The following SEM1 variants were observed in gnomAD, a reference collection of about 807,000 sequenced individuals.
SEM1 encodes SEM1 26S proteasome subunit.
A neutral mutation model predicts 12.7 loss-of-function variants in SEM1; 3 were observed. The observed-to-expected ratio is 0.24, with a 90% CI of 0.11 to 0.61. The LOEUF (loss-of-function observed/expected upper bound fraction) is 0.61, where lower values mean the gene tolerates loss of function less well. Ranked by LOEUF, SEM1 falls within the 20% of genes least tolerant of loss-of-function variation. The probability of loss-of-function intolerance (pLI) is 0.88; values close to 1 mark genes in which losing one functional copy is unlikely to be tolerated. For synonymous variants in SEM1, 30 were observed against 27.8 expected (o/e 1.08, Z -0.25); for missense variants, 59 against 81.3 (o/e 0.73, Z 1.06).
chr7:96,547,738 T>C (rs955733723), intron 2 of SEM1, among the ~76,000 whole-genome samples: 5 of 152,090 alleles, frequency 3.3e-5, no homozygotes, highest in African/African-American at 1.2e-4. Context: ...TCTGCTGATG[T>C]GATGATAGGA....
chr7:96,676,791 T>C (rs2115643471), intron 2 of SEM1, among the ~76,000 whole-genome samples: 1 of 152,330 alleles, frequency 6.6e-6, no homozygotes, highest in East Asian at 1.9e-4. Context: ...ATGCCTAGCA[T>C]GTGAACAGCA....
intron 2 of SEM1, among the ~76,000 whole-genome samples, chr7:96,613,116 C>G (rs1447108417): frequency 6.6e-6 from 1 of 152,088 alleles, no homozygotes; most frequent in Non-Finnish European, 1.5e-5. Context: ...TGTCTAGACT[C>G]TAGAGGAGAC....
Position 96,485,195 on chromosome 7 carries a change from G to T in SEM1, c.228-341C>A, listed in dbSNP as rs143118911. On this transcript the variant is annotated intron_variant, in intron 2 of 3. Coordinates refer to the SEM1 transcript ENST00000356686. ...TAGGCAAAATTTTTTAAGTCAGAAT[G>T]ACCAGTGTTAACCCATTACCAACTA... Among the ~76,000 whole-genome samples the T allele has an allele frequency of 2.6e-5, 4 of 152,286 alleles. No homozygotes were observed. The East Asian group carries it at 7.7e-4, about 29-fold the overall frequency.
chr7:96,700,339 A>G (rs1326765927), intron 1 of SEM1, among the ~76,000 whole-genome samples: 3 of 152,202 alleles, frequency 2.0e-5, no homozygotes, highest in Non-Finnish European at 4.4e-5. Flanking sequence ...CAAAGGATTA[A>G]GGATATTTGG....
chr7:96,611,963 C>T (rs1470559119), intron 2 of SEM1, among the ~76,000 whole-genome samples: 7 of 151,144 alleles, frequency 4.6e-5, no homozygotes, highest in African/African-American at 1.7e-4. Flanking sequence ...TAGGAAAGAG[C>T]CTCATTTTTT....
intron 2 of SEM1, among the ~76,000 whole-genome samples, chr7:96,544,717 C>T (rs562193790): frequency 6.6e-6 from 1 of 152,034 alleles, no homozygotes; most frequent in South Asian, 2.1e-4. Context: ...TTGATTAACA[C>T]ATATTTTATA....
At chr7:96,585,611 T>A (rs1379243575) in intron 2 of SEM1, among the ~76,000 whole-genome samples, 3 of 152,378 alleles carry the variant, frequency 2.0e-5, no homozygotes, top group African/African-American at 7.2e-5. Flanking sequence ...GTGCTAGCAA[T>A]CAGCGAGACT....
intron 2 of SEM1, among the ~76,000 whole-genome samples, chr7:96,522,730 C>CA (rs1281137495): frequency 1.6e-5 from 2 of 125,096 alleles, no homozygotes; most frequent in Admixed American, 8.2e-5. Context: ...ATACCCCCCC[C>CA]CCAAAAAAAA....
intron 2 of SEM1, among the ~76,000 whole-genome samples, chr7:96,652,864 T>C (rs1390881903): frequency 6.6e-6 from 1 of 152,224 alleles, no homozygotes; most frequent in Non-Finnish European, 1.5e-5. Flanking sequence ...TTGTTTCCAC[T>C]TTTTTTGTAG....
At chr7:96,572,784 G>T (rs917644924) in intron 2 of SEM1, among the ~76,000 whole-genome samples, 30 of 152,272 alleles carry the variant, frequency 2.0e-4, no homozygotes, top group African/African-American at 6.7e-4. Flanking sequence ...GAGTTCTGCA[G>T]ATGTCTATTA....
chr7:96,496,535 A>G (rs1191636415), upstream of SEM1, among the ~76,000 whole-genome samples: 1 of 152,152 alleles, frequency 6.6e-6, no homozygotes, highest in Non-Finnish European at 1.5e-5. Flanking sequence ...GAAGAGGTTG[A>G]TATCTAAAAG....
chr7:96,560,720 T>C (rs1805666608), intron 2 of SEM1, among the ~76,000 whole-genome samples: 1 of 152,068 alleles, frequency 6.6e-6, no homozygotes, highest in Non-Finnish European at 1.5e-5. Context: ...TTAATTGTAT[T>C]TTAATCATGT....
At chr7:96,618,272 C>G (rs759560113), downstream of SEM1, among the ~76,000 whole-genome samples, 4 of 152,080 alleles carry the variant, frequency 2.6e-5, no homozygotes, top group Admixed American at 6.5e-5. Context: ...TTGCATGTTT[C>G]CAGAATTTAT....
intron 2 of SEM1, among the ~76,000 whole-genome samples, chr7:96,609,268 T>G (rs1807473603): frequency 1.3e-5 from 2 of 152,182 alleles, no homozygotes; most frequent in Admixed American, 6.5e-5. Context: ...TTATCTGAAC[T>G]ATGACATAGA....
chr7:96,622,205 G>T (rs1188733133), downstream of SEM1: 1 of 163,524 alleles, frequency 6.1e-6, no homozygotes, highest in Non-Finnish European at 1.3e-5. Context: ...AAGGCCTTTG[G>T]ATTAAATTCT....
chr7:96,490,073 A>T (rs1802943777), intron 1 of SEM1, among the ~76,000 whole-genome samples: 1 of 152,110 alleles, frequency 6.6e-6, no homozygotes, highest in African/African-American at 2.4e-5. Context: ...GGTCAGATCC[A>T]TGTGTGTCCA....
chr7:96,534,262 A>G (rs1176657793), intron 2 of SEM1, among the ~76,000 whole-genome samples: 2 of 152,066 alleles, frequency 1.3e-5, no homozygotes, highest in African/African-American at 4.8e-5. Context: ...CAAAATTTAG[A>G]ATTTTGGAAA....
intron 1 of SEM1, chr7:96,496,218 C>G: frequency 3.1e-6 from 3 of 977,918 alleles, no homozygotes; most frequent in Non-Finnish European, 4.6e-6. Flanking sequence ...TCAAGGTATA[C>G]TAACTCATGT....
At chr7:96,484,267 G>T (rs1802664345) in intron 3 of SEM1, among the ~76,000 whole-genome samples, 1 of 152,050 alleles carries the variant, frequency 6.6e-6, no homozygotes, top group African/African-American at 2.4e-5. Context: ...TCCTGCCTGT[G>T]GTCGCTGCTC....
Sources: gnomAD v4.1 joint callset for allele counts (sites outside exome capture counted in the v4.1 genomes callset) on GRCh38, gnomAD v4.1.1 for gene constraint, MANE v1.5 for transcripts, NCBI Gene and HGNC (gene_info 2026-07-23, HGNC 2026-07-21) for gene names.